The following FGD2 variants were observed in gnomAD, a reference collection of about 807,000 sequenced individuals.
The protein encoded by FGD2 is FYVE, RhoGEF and PH domain containing 2, also known as FYVE, RhoGEF and PH domain-containing protein 2.
FGD2 carries 52 observed loss-of-function variants against 75.9 expected under a neutral mutation model. The ratio of observed to expected loss-of-function variants is 0.69; its 90% confidence interval spans 0.55 to 0.86. FGD2 has a LOEUF of 0.86. FGD2 is among the 40% of genes least tolerant of loss of function. The pLI is 0.00. For missense variants in FGD2, 790 were observed against 872.0 expected, an observed-to-expected ratio of 0.91 and a Z score of 1.18; for synonymous variants, 347 against 348.6, an observed-to-expected ratio of 1.00 and a Z score of 0.05.
chr6:37,027,375 C>T lies in FGD2; in HGVS notation c.1606-54C>T, dbSNP rs573428714. 56 of 1,559,998 alleles carry T rather than the reference C, an allele frequency of 3.6e-5. No homozygotes were observed. The East Asian group carries it at 1.2e-3, about 33-fold the overall frequency. On this transcript the variant is annotated intron_variant, in intron 14 of 15. Transcript: ENST00000274963. ...AGTGATTGTCAAGCCCCCAGACCAA[C>T]ATCTGGCACTTGCGGCTGCTCTGCT...
At position 37,005,805 on chromosome 6, in the gene FGD2, G is replaced by A. The variant is rs201645071; in HGVS notation, c.-13G>A. On this transcript the variant is annotated 5_prime_UTR_variant, in exon 1 of 16. Coordinates refer to ENST00000274963, the MANE Select transcript of FGD2 (RefSeq NM_173558.4). The stretch of plus-strand genomic sequence containing the variant: ...TTCGAGGGTAGCTGAGATCCACCCC[G>A]GAAACCGGCAGGATGAAGGGGGCAA... 27 of 1,613,460 alleles carry A rather than the reference G, an allele frequency of 1.7e-5. No homozygotes were observed. In the Admixed American group the frequency reaches 2.2e-4, roughly 13 times the overall value.
At chr6:37,010,723 A>G (rs1764963249) in intron 2 of FGD2, among the ~76,000 whole-genome samples, 1 of 152,154 alleles carries the variant, frequency 6.6e-6, no homozygotes, top group African/African-American at 2.4e-5. Context: ...AGTGATTCAC[A>G]GCTCCCAAGA....
chr6:37,014,592 C>A, intron 6 of FGD2, 54 bp from the exon 7 acceptor site: 1 of 1,604,874 alleles, frequency 6.2e-7, no homozygotes. Flanking sequence ...ACCTCCTGCC[C>A]CAGCCACCAG....
chr6:37,020,911 T>TGTGTGTGTGTGC (rs1471304388), intron 11 of FGD2, among the ~76,000 whole-genome samples, 172 bp downstream of exon 11: 1 of 145,410 alleles, frequency 6.9e-6, no homozygotes, highest in African/African-American at 2.6e-5. Flanking sequence ...TGTGTGTGTG[T>TGTGTGTGTGTGC]GCATGTGTGT....
At chr6:37,015,929 G>T in intron 9 of FGD2, 69 bp downstream of exon 9, 2 of 1,397,952 alleles carry the variant, frequency 1.4e-6, no homozygotes, top group Middle Eastern at 1.8e-4. Flanking sequence ...AGTAAGAGGA[G>T]GGGCCAACCA....
chr6:37,006,623 T>G (rs1157835819), intron 1 of FGD2, among the ~76,000 whole-genome samples: 2 of 152,044 alleles, frequency 1.3e-5, no homozygotes, highest in African/African-American at 4.8e-5. Flanking sequence ...TGTGCGCGTG[T>G]GTGTATGTGT....
intron 13 of FGD2, chr6:37,023,628 C>T (rs1765689558): frequency 6.6e-6 from 1 of 152,216 alleles, no homozygotes; most frequent in Non-Finnish European, 1.5e-5. Flanking sequence ...CAGGTTGGGG[C>T]CAGTCAGGGA....
In FGD2 at chr6:37,028,508, A is replaced by G; in HGVS notation, c.*345A>G. ...ATCTCCTGGGGAGCTTTTAAAGAGT[A>G]CTGGTGAAAAACACATAGTAAATTA... is the stretch of plus-strand genomic sequence containing the variant. On this transcript the variant is annotated 3_prime_UTR_variant, in exon 16 of 16. Transcript: ENST00000274963. 1 of 272,420 alleles carries G rather than the reference A, an allele frequency of 3.7e-6. No homozygotes were observed. The highest frequency in any genetic ancestry group is 6.9e-6 in the Non-Finnish European group (1 of 145,938). The allele number at this position is 272,420 out of a possible 1,614,324, so 16.9% of individuals were successfully genotyped here.
At position 37,025,953 on chromosome 6, in the gene FGD2, C is replaced by G. The variant is rs1447545935; in HGVS notation, c.1605+15C>G. ...GCATCCTGGAGGTGAGGGCCACTGT[C>G]CCCGCGCTCACCATCCGTCCTCTGT... is the stretch of plus-strand genomic sequence containing the variant. On this transcript the variant is annotated intron_variant, in intron 14 of 15. Coordinates refer to ENST00000274963, the MANE Select transcript of FGD2 (RefSeq NM_173558.4). 1 of 1,613,322 alleles carries G rather than the reference C, an allele frequency of 6.2e-7. No homozygotes were observed. The highest frequency in any genetic ancestry group is 1.3e-5 in the African/African-American group (1 of 74,914).
At chr6:37,011,964 G>A (rs1020727151) in intron 4 of FGD2, 110 bp downstream of exon 4, 34 of 1,255,240 alleles carry the variant, frequency 2.7e-5, no homozygotes, top group Non-Finnish European at 3.6e-5. Context: ...CCCTTATTGT[G>A]TGGCCATGCC....
rs143738959 is a variant in FGD2 at position 37,028,064 on chromosome 6, C to A, written c.1869C>A (p.Ala623=). The A allele has an allele frequency of 3.1e-6, 5 of 1,613,894 alleles. No individual in the cohort carries two copies. The highest frequency in any genetic ancestry group is 3.3e-5 in the Admixed American group (2 of 60,030). The change falls in exon 16 of 16, where the codon GCC becomes GCA. Residue 623 remains alanine, a synonymous_variant. Transcript: ENST00000274963. The part of the protein sequence containing the change: ...QQSGQLYTFK[A]ETEELKGRWV... ...CAGGCCAGCTCTACACCTTCAAGGC[C>A]GAGACGGAGGAGCTGAAGGGCCGCT...
At chr6:37,010,862 G>A (rs1764969101) in intron 2 of FGD2, 111 bp from the exon 3 acceptor site, 1 of 1,030,772 alleles carries the variant, frequency 9.7e-7, no homozygotes, top group Non-Finnish European at 1.5e-6. Flanking sequence ...ATGAATCCCG[G>A]GAGGCATGCT....
In FGD2 at chr6:37,028,229, C is replaced by T; in HGVS notation, c.*66C>T. 2 of 1,391,864 alleles carry T rather than the reference C, an allele frequency of 1.4e-6. No individual in the cohort carries two copies. Among genetic ancestry groups the T allele is most frequent in the South Asian group, 1.4e-5 (1 of 69,144 alleles). The allele number at this position is 1,391,864 out of a possible 1,614,324, so 86.2% of individuals were successfully genotyped here. On this transcript the variant is annotated 3_prime_UTR_variant, in exon 16 of 16. Transcript: ENST00000274963. Reference sequence around the variant, plus strand: ...GAACCCAGCTCCTGCCACAGACTGACCCTGTGGCCTCAGTGACCCACTGCC... The same window carrying T: ...GAACCCAGCTCCTGCCACAGACTGATCCTGTGGCCTCAGTGACCCACTGCC...
At chr6:37,007,823 G>T (rs886430275) in intron 1 of FGD2, among the ~76,000 whole-genome samples, 5 of 152,326 alleles carry the variant, frequency 3.3e-5, no homozygotes, top group African/African-American at 1.2e-4. Context: ...GGACTGGGGT[G>T]CCAGGGAGGG....
intron 13 of FGD2, chr6:37,022,586 T>C: frequency 3.6e-6 from 2 of 556,962 alleles, no homozygotes; most frequent in South Asian, 3.1e-5. Flanking sequence ...AGGCTTCCAC[T>C]TGATCCACCT....
In FGD2 at chr6:37,008,936, C is replaced by A. The variant is rs141222263; in HGVS notation, c.171C>A (p.Val57=). The change falls in exon 2 of 16, where the codon GTC becomes GTA. Residue 57 remains valine, a synonymous_variant. Transcript: ENST00000274963. The part of the protein sequence containing the change: ...ESPGPREKTN[V]GEAVGSEPRT... ...CAGGACCACGGGAGAAGACGAATGT[C>A]GGGGAGGCCGTGGGGTCTGAGCCCA... 1 of 1,614,208 alleles carries A rather than the reference C, an allele frequency of 6.2e-7. No homozygotes were observed. Among genetic ancestry groups the A allele is most frequent in the Non-Finnish European group, 8.5e-7 (1 of 1,180,034 alleles).
chr6:37,012,710 T>C (rs1291796988), intron 4 of FGD2, among the ~76,000 whole-genome samples: 1 of 133,000 alleles, frequency 7.5e-6, no homozygotes, highest in East Asian at 2.7e-4. Flanking sequence ...AGACCCTGAC[T>C]TAAAAAAAAA....
chr6:37,019,340 C>T (rs898133159), intron 9 of FGD2, among the ~76,000 whole-genome samples: 9 of 152,192 alleles, frequency 5.9e-5, no homozygotes, highest in African/African-American at 1.7e-4. Context: ...CCAAGGGCAT[C>T]GAATCCAAAT....
intron 3 of FGD2, 51 bp downstream of exon 3, chr6:37,011,101 C>A (rs1362055187): frequency 6.4e-7 from 1 of 1,552,016 alleles, no homozygotes; most frequent in Non-Finnish European, 8.9e-7. Flanking sequence ...GGTCTCCTCA[C>A]CTCACCCCTT....
Sources: allele counts gnomAD v4.1 joint callset (sites outside exome capture counted in the v4.1 genomes callset), GRCh38; gene constraint gnomAD v4.1.1; transcripts MANE v1.5; gene names NCBI Gene and HGNC (gene_info 2026-07-23, HGNC 2026-07-21).